SZT2: variants seen among roughly 807,000 people sequenced by gnomAD.
The protein encoded by SZT2 is SZT2 subunit of KICSTOR complex.
Under a neutral mutation model 404.2 loss-of-function variants are expected in SZT2, and 216 were observed. The observed-to-expected ratio is 0.53, with a 90% CI of 0.48 to 0.60. The LOEUF (loss-of-function observed/expected upper bound fraction) is 0.60, where lower values mean the gene tolerates loss of function less well. SZT2 is among the 20% of genes least tolerant of loss of function. The probability of loss-of-function intolerance (pLI) is 0.00; values close to 1 mark genes in which losing one functional copy is unlikely to be tolerated. For missense variants in SZT2, 3,857 were observed against 4,459.2 expected, an observed-to-expected ratio of 0.86 and a Z score of 3.85; for synonymous variants, 1,693 against 1,749.9, an observed-to-expected ratio of 0.97 and a Z score of 0.81.
chr1:43,437,924 G>C lies in SZT2; in HGVS notation c.6508+22G>C. The stretch of plus-strand genomic sequence containing the variant: ...GCAGGTAAGGTCTGAGGAGGGGGTA[G>C]GGGAGTCGCCACATGAGGTTCCAGA... On this transcript the variant is annotated intron_variant, in intron 46 of 71. Coordinates refer to ENST00000634258, the MANE Select transcript of SZT2 (RefSeq NM_001365999.1). This position sits in a 1 kb window ranked among gnomAD's most constrained non-coding sequence, Gnocchi z 5.3. 1 of 1,612,258 alleles carries C rather than the reference G, an allele frequency of 6.2e-7. No individual in the cohort carries two copies. The highest frequency in any genetic ancestry group is 8.5e-7 in the Non-Finnish European group (1 of 1,178,414).
rs1160237395 is a variant in SZT2 at position 43,421,970 on chromosome 1, A to G, written c.1627-113A>G. The G allele has an allele frequency of 7.4e-6, 9 of 1,214,058 alleles. No individual in the cohort carries two copies. In the East Asian group the frequency reaches 1.7e-4, roughly 23 times the overall value. 75.2% of individuals were successfully genotyped at this position (1,214,058 alleles called of 1,614,324 possible). On this transcript the variant is annotated intron_variant, in intron 11 of 71. Coordinates refer to ENST00000634258, the MANE Select transcript of SZT2 (RefSeq NM_001365999.1). ...TCAGGCTGGGCTGTAGCCTCAAACC[A>G]CTGCTGTCTCTGACTCTCTGAACGG... is the stretch of plus-strand genomic sequence containing the variant.
rs371294068 is a variant in SZT2, at chr1:43,439,899, G to A, written c.7061G>A (p.Arg2354Gln). The A allele has an allele frequency of 3.7e-6, 6 of 1,601,204 alleles. No homozygotes were observed. Among genetic ancestry groups the A allele is most frequent in the Middle Eastern group, 1.7e-4 (1 of 5,990 alleles). Residue 2354 changes from arginine to glutamine, a missense_variant, in exon 51 of 72, where the codon CGG becomes CAG. Arg to Gln is a conservative substitution (Grantham distance 43). Coordinates refer to ENST00000634258, the MANE Select transcript of SZT2 (RefSeq NM_001365999.1). The surrounding 1 kb of genome is among the most constrained non-coding windows in gnomAD (Gnocchi z 4.2). ...DSSSAQNGAP[R>Q]LRLDVWEKGN... ...CTTCCAGCTCAGAATGGGGCCCCAC[G>A]GCTTCGATTGGATGTGTGGGAAAAG...
rs1650046121 is a variant in SZT2 at position 43,404,381 on chromosome 1, A to G, written c.329A>G (p.Asp110Gly). ...TGAGTGCTCTTTCTCTGCCCTCAGGATGATTCCACAGGGGAGATCTTGTTT... is the reference window on the plus strand; with the variant it reads ...TGAGTGCTCTTTCTCTGCCCTCAGGGTGATTCCACAGGGGAGATCTTGTTT... ...LDLSPSTGIV[D>G]DSTGEILFDE... Residue 110 changes from aspartate to glycine, a missense_variant and splice_region_variant, in exon 4 of 72, where the codon GAT becomes GGT. Asp to Gly is a moderately conservative substitution (Grantham distance 94). Transcript: ENST00000634258. The G allele has an allele frequency of 6.2e-7, 1 of 1,611,586 alleles. No homozygotes were observed. Among genetic ancestry groups the G allele is most frequent in the African/African-American group, 1.3e-5 (1 of 74,852 alleles).
chr1:43,439,451 C>T lies in SZT2; in HGVS notation c.6877+9C>T. 5.6e-6 allele frequency: 9 copies of T among 1,607,794 alleles called. No homozygotes were observed. Among genetic ancestry groups the T allele is most frequent in the Non-Finnish European group, 7.6e-6 (9 of 1,176,544 alleles). On this transcript the variant is annotated intron_variant, in intron 49 of 71. Coordinates refer to ENST00000634258, the MANE Select transcript of SZT2 (RefSeq NM_001365999.1). This position sits in a 1 kb window ranked among gnomAD's most constrained non-coding sequence, Gnocchi z 4.2. ...GGGCACTGGGGGCAAAGGTACGGTG[C>T]AGGGCACGGGCCTGTGGCACCACCA... is the stretch of plus-strand genomic sequence containing the variant.
chr1:43,447,558 C>T lies in SZT2; in HGVS notation c.9300C>T (p.Leu3100=). The T allele has an allele frequency of 6.2e-7, 1 of 1,614,020 alleles. No individual in the cohort carries two copies. Among genetic ancestry groups the T allele is most frequent in the Non-Finnish European group, 8.5e-7 (1 of 1,179,994 alleles). The change falls in exon 67 of 72, where the codon CTC becomes CTT. Residue 3100 remains leucine (L), a synonymous_variant. Coordinates refer to ENST00000634258, the MANE Select transcript of SZT2 (RefSeq NM_001365999.1). ...RNHIYQGTLE[L]PTPLIAAHQL... Reference sequence around the variant, plus strand: ...CTTATCCCTCAGGGACATTGGAGCTCCCCACACCACTCATTGCTGCCCACC... The same window carrying T: ...CTTATCCCTCAGGGACATTGGAGCTTCCCACACCACTCATTGCTGCCCACC...
In SZT2 at chr1:43,392,534, C is replaced by T. The variant is rs531690029; in HGVS notation, c.27+2539C>T. 3.7e-4 allele frequency among the ~76,000 whole-genome samples: 57 copies of T among 152,142 alleles called. 1 individual carries two copies. The highest frequency in any genetic ancestry group is 1.2e-3 in the African/African-American group (50 of 41,506). On this transcript the variant is annotated intron_variant, in intron 1 of 71. Transcript: ENST00000634258. ...GGTTCACGCCATTCTCCTGCCTCAG[C>T]CTCCCAAGTAGCTGGGACTACAGGC...
chr1:43,416,165 C>G, intron 6 of SZT2, 64 bp downstream of exon 6: 1 of 1,558,052 alleles, frequency 6.4e-7, no homozygotes, highest in East Asian at 2.3e-5. Flanking sequence ...GGGCTGACTG[C>G]TAACAAAGAT....
In SZT2 at chr1:43,452,133, C is replaced by G; in HGVS notation, c.*1653C>G. The stretch of plus-strand genomic sequence containing the variant: ...CTAGGCTGGCAGCCTCACGTGCTGT[C>G]CCCACTGTGCACCCCCTTCTCCGCA... On this transcript the variant is annotated 3_prime_UTR_variant, in exon 72 of 72. Transcript: ENST00000634258. The G allele has an allele frequency of 6.7e-7, 1 of 1,491,732 alleles. No individual in the cohort carries two copies. The highest frequency in any genetic ancestry group is 1.2e-5 in the South Asian group (1 of 86,438). 92.4% of individuals were successfully genotyped at this position (1,491,732 alleles called of 1,614,324 possible).
At position 43,421,222 on chromosome 1, in the gene SZT2, A is replaced by C. The variant is rs1652320959; in HGVS notation, c.1545A>C (p.Ser515=). The C allele has an allele frequency of 2.5e-6, 4 of 1,598,400 alleles. No homozygotes were observed. Among genetic ancestry groups the C allele is most frequent in the Non-Finnish European group, 3.4e-6 (4 of 1,179,812 alleles). The change falls in exon 11 of 72, where the codon TCA becomes TCC. Residue 515 remains serine (S), a synonymous_variant. Transcript: ENST00000634258. ...QMLAHLQSFS[S]VPEHFTLPDS... The stretch of plus-strand genomic sequence containing the variant: ...TTGCCCACCTTCAGTCCTTCTCCTC[A>C]GTGCCTGAGCATTTCACGCTTCCTG...
In SZT2 at chr1:43,428,309, G is replaced by C. The variant is rs1431392673; in HGVS notation, c.3989G>C (p.Cys1330Ser). The C allele has an allele frequency of 2.5e-6, 4 of 1,614,176 alleles. No homozygotes were observed. Among genetic ancestry groups the C allele is most frequent in the East Asian group, 2.2e-5 (1 of 44,874 alleles). The change falls in exon 28 of 72, where the codon TGT becomes TCT. Residue 1330 changes from cysteine (C) to serine (S), a missense_variant. Physicochemically the swap from Cys to Ser is moderately radical, Grantham distance 112. Transcript: ENST00000634258. ...SQDLLTAVDA[C>S]EELLQEIDIT... is the part of the protein sequence containing the mutation. ...GATTTGCTGACAGCGGTAGATGCCT[G>C]TGAGGAGCTACTACAAGAAATAGAC...
At position 43,443,345 on chromosome 1, in the gene SZT2, T is replaced by G. The variant is rs763812778; in HGVS notation, c.8500-7T>G. Reference sequence around the variant, plus strand: ...ACTGCTCCATGCTCACTGCCCTGTTTCCCCAGGCTGGAGAGCTGGAGACCC... The same window carrying G: ...ACTGCTCCATGCTCACTGCCCTGTTGCCCCAGGCTGGAGAGCTGGAGACCC... On this transcript the variant is annotated splice_region_variant and splice_polypyrimidine_tract_variant and intron_variant, in intron 60 of 71. Coordinates refer to ENST00000634258, the MANE Select transcript of SZT2 (RefSeq NM_001365999.1). 3.1e-6 allele frequency: 5 copies of G among 1,614,124 alleles called. 1 individual carries two copies. The African/African-American group carries it at 4.0e-5, about 13-fold the overall frequency.
Position 43,441,468 on chromosome 1 carries a change from G to A in SZT2, c.7512-36G>A, listed in dbSNP as rs200257856. 5.6e-6 allele frequency: 9 copies of A among 1,610,824 alleles called. No individual in the cohort carries two copies. The highest frequency in any genetic ancestry group is 2.2e-5 in the South Asian group (2 of 90,410). On this transcript the variant is annotated intron_variant, in intron 53 of 71. Transcript: ENST00000634258. This position sits in a 1 kb window ranked among gnomAD's most constrained non-coding sequence, Gnocchi z 4.8. Reference sequence around the variant, plus strand: ...GTCTGTATAAACATACAAGTGTCATGTATGGACATGAGGCTCTTACTCCCA... The same window carrying A: ...GTCTGTATAAACATACAAGTGTCATATATGGACATGAGGCTCTTACTCCCA...
At chr1:43,419,618 C>T in intron 7 of SZT2, 116 bp from the exon 8 acceptor site, 1 of 806,092 alleles carries the variant, frequency 1.2e-6, no homozygotes, top group Middle Eastern at 3.1e-4. Context: ...TGGCCTACTT[C>T]CCACTCTGTG....
chr1:43,450,817 C>A lies in SZT2; in HGVS notation c.*337C>A, dbSNP rs776496985. The A allele has an allele frequency of 1.4e-6, 1 of 708,136 alleles. No individual in the cohort carries two copies. The highest frequency in any genetic ancestry group is 1.4e-5 in the South Asian group (1 of 73,290). The allele number at this position is 708,136 out of a possible 1,614,324, so 43.9% of individuals were successfully genotyped here. A position where few individuals can be genotyped will look rare whatever the true frequency, so the allele number is the denominator to read the frequency against. On this transcript the variant is annotated 3_prime_UTR_variant, in exon 72 of 72. Transcript: ENST00000634258. This position sits in a 1 kb window ranked among gnomAD's most constrained non-coding sequence, Gnocchi z 4.3. The stretch of plus-strand genomic sequence containing the variant: ...GTGGCAAACACCCCCTAGAGCTCCT[C>A]TGCCTGAATCCTGCCCCCTAGCCTT...
At chr1:43,406,176 C>T (rs1650283359) in intron 4 of SZT2, 2 of 235,698 alleles carry the variant, frequency 8.5e-6, no homozygotes, top group Admixed American at 1.1e-4. Context: ...CACCCTCCAC[C>T]TCCTGGGTTC....
Position 43,419,755 on chromosome 1 carries a change from G to T in SZT2, c.901G>T (p.Asp301Tyr). 6.3e-7 allele frequency: 1 copy of T among 1,598,326 alleles called. No homozygotes were observed. The highest frequency in any genetic ancestry group is 1.1e-5 in the South Asian group (1 of 91,058). Residue 301 changes from aspartate to tyrosine, a missense_variant, in exon 8 of 72, where the codon GAC (aspartate) becomes TAC (tyrosine). Physicochemically the swap from Asp to Tyr is radical, Grantham distance 160 (BLOSUM62 -3). Around this residue, in one of 7 missense-constraint regions of SZT2, gnomAD observed 536 missense variants for 637.4 expected, o/e 0.84. Coordinates refer to ENST00000634258, the MANE Select transcript of SZT2 (RefSeq NM_001365999.1). ...FVQVGGVYSY[D>Y]CSFGHVPNVE... ...CCAGGTGGGAGGAGTTTACTCTTAT[G>T]ACTGCAGTTTTGGCCATGTGCCCAA...
rs752495437 is a variant in SZT2 at position 43,424,789 on chromosome 1, G to A, written c.2477G>A (p.Arg826Gln). 7 of 1,613,798 alleles carry A rather than the reference G, an allele frequency of 4.3e-6. No individual in the cohort carries two copies. Among genetic ancestry groups the A allele is most frequent in the Middle Eastern group, 1.6e-4 (1 of 6,070 alleles). The change falls in exon 17 of 72, where the codon CGA becomes CAA. Residue 826 changes from arginine to glutamine, a missense_variant. Arg to Gln is a conservative substitution (Grantham distance 43, BLOSUM62 1). This residue lies in a region of SZT2 where 1,725 missense variants were observed against 1,881.0 expected (regional missense o/e 0.92). Transcript: ENST00000634258. This position sits in a 1 kb window ranked among gnomAD's most constrained non-coding sequence, Gnocchi z 4.1. The part of the protein sequence containing the change: ...AQLLSILTEV[R>Q]LSEGFHFACS... ...CGGCCTTTATGGGGCTTCAGAGTCC[G>A]ACTTTCTGAAGGATTCCACTTCGCC... is the stretch of plus-strand genomic sequence containing the variant.
In SZT2 at chr1:43,453,475, C is replaced by G. The variant is rs1428608586; in HGVS notation, c.*2995C>G. ...GTCTCCCGGGGACGGCCCCCAGCCC[C>G]ATTTCCCCCTTCTCTTGGTCTCCTG... On this transcript the variant is annotated 3_prime_UTR_variant, in exon 72 of 72. Transcript: ENST00000634258. 4 of 1,560,574 alleles carry G rather than the reference C, an allele frequency of 2.6e-6. No individual in the cohort carries two copies. The African/African-American group carries it at 5.5e-5, about 21-fold the overall frequency.
intron 1 of SZT2, among the ~76,000 whole-genome samples, chr1:43,400,304 A>G (rs1378262950): frequency 6.6e-6 from 1 of 152,110 alleles, no homozygotes; most frequent in East Asian, 1.9e-4. Context: ...TTGATATTTA[A>G]ATTCTCTTTT....
Sources: gnomAD v4.1 joint callset for allele counts (sites outside exome capture counted in the v4.1 genomes callset) on GRCh38, gnomAD v4.1.1 for gene constraint, gnomAD v4.1.1 regional missense constraint, Gnocchi (gnomAD v3.1) non-coding constraint, MANE v1.5 for transcripts, NCBI Gene and HGNC (gene_info 2026-07-23, HGNC 2026-07-21) for gene names.